The following ATP8A2 variants were observed in gnomAD, a reference collection of about 807,000 sequenced individuals.
The protein encoded by ATP8A2 is phospholipid-transporting ATPase IB.
A neutral mutation model predicts 165.6 loss-of-function variants in ATP8A2; 100 were observed. The ratio of observed to expected loss-of-function variants is 0.60; its 90% CI spans 0.51 to 0.71. The LOEUF is 0.71. Ranked by LOEUF, ATP8A2 falls within the 30% of genes least tolerant of loss-of-function variation. The pLI, the probability that ATP8A2 is intolerant of heterozygous loss-of-function variation, is 0.00. For missense variants in ATP8A2, 1,227 were observed against 1,479.5 expected, an observed-to-expected ratio of 0.83 and a Z score of 2.80; for synonymous variants, 543 against 548.8, an observed-to-expected ratio of 0.99 and a Z score of 0.15.
At chr13:25,815,097 C>A (rs1195183620) in intron 27 of ATP8A2, among the ~76,000 whole-genome samples, 1 of 151,440 alleles carries the variant, frequency 6.6e-6, no homozygotes, top group Admixed American at 6.6e-5. Flanking sequence ...AACAATAAAA[C>A]TCTTAGAAGA....
At chr13:25,548,508 G>C (rs2038721820) in intron 10 of ATP8A2, among the ~76,000 whole-genome samples, 1 of 152,218 alleles carries the variant, frequency 6.6e-6, no homozygotes, top group African/African-American at 2.4e-5. Context: ...TGTACATTTA[G>C]TGAATATTTA....
chr13:25,577,847 G>A (rs1463709332), intron 20 of ATP8A2, among the ~76,000 whole-genome samples: 1 of 152,296 alleles, frequency 6.6e-6, no homozygotes, highest in East Asian at 1.9e-4. Flanking sequence ...GTGGTTGACA[G>A]TATTACTAAT....
At chr13:25,965,226 C>T (rs1448912703) in intron 34 of ATP8A2, among the ~76,000 whole-genome samples, 2 of 152,202 alleles carry the variant, frequency 1.3e-5, no homozygotes, top group African/African-American at 2.4e-5. Flanking sequence ...TTTCTGTGAG[C>T]ACTGAAGAAA....
At chr13:25,396,565 C>G (rs1255648315) in intron 1 of ATP8A2, among the ~76,000 whole-genome samples, 7 of 152,162 alleles carry the variant, frequency 4.6e-5, no homozygotes, top group African/African-American at 1.2e-4. Context: ...TGTCCTGGCT[C>G]TTACCTCTAG....
intron 4 of ATP8A2, among the ~76,000 whole-genome samples, chr13:25,531,897 C>A (rs189745742): frequency 6.6e-6 from 1 of 152,134 alleles, no homozygotes; most frequent in Non-Finnish European, 1.5e-5. Context: ...CTTCTAGTCC[C>A]GAGCATGTCA....
At chr13:25,775,592 G>A (rs1238137250) in intron 27 of ATP8A2, among the ~76,000 whole-genome samples, 1 of 152,128 alleles carries the variant, frequency 6.6e-6, no homozygotes, top group Admixed American at 6.5e-5. Context: ...TAAAACAAAC[G>A]TGCCTGCTAG....
chr13:25,651,792 C>A (rs2041818982), intron 24 of ATP8A2, among the ~76,000 whole-genome samples: 1 of 151,836 alleles, frequency 6.6e-6, no homozygotes, highest in African/African-American at 2.4e-5. Flanking sequence ...TAAAGTATGT[C>A]TTTATATATT....
intron 33 of ATP8A2, among the ~76,000 whole-genome samples, chr13:25,931,692 T>C (rs1954772226): frequency 6.6e-6 from 1 of 152,112 alleles, no homozygotes; most frequent in Admixed American, 6.5e-5. Flanking sequence ...GGAAGAATCT[T>C]GAAGCCCGTG....
At chr13:25,569,686 C>T (rs2039411583) in intron 16 of ATP8A2, among the ~76,000 whole-genome samples, 1 of 152,174 alleles carries the variant, frequency 6.6e-6, no homozygotes, top group African/African-American at 2.4e-5. Flanking sequence ...TAATTGTCTA[C>T]TTTGAAAACC....
intron 34 of ATP8A2, among the ~76,000 whole-genome samples, chr13:25,963,410 AGAAAAGAAAAGAAAAAG>A (rs1955707885): frequency 7.1e-6 from 1 of 140,880 alleles, no homozygotes; most frequent in East Asian, 2.2e-4. Context: ...AAAAAAAAAA[AGAAAAGAAAAGAAAAAG>A]AAAAAGAAAA....
intron 1 of ATP8A2, among the ~76,000 whole-genome samples, chr13:25,454,246 C>G (rs2035303929): frequency 6.6e-6 from 1 of 152,128 alleles, no homozygotes; most frequent in African/African-American, 2.4e-5. Flanking sequence ...CATCGGCATG[C>G]CTGTCATCAA....
intron 24 of ATP8A2, among the ~76,000 whole-genome samples, chr13:25,626,428 C>T (rs1341735833): frequency 6.6e-6 from 1 of 152,216 alleles, no homozygotes; most frequent in East Asian, 1.9e-4. Context: ...TCACCAGTAC[C>T]ATTGTAGGGG....
intron 27 of ATP8A2, among the ~76,000 whole-genome samples, chr13:25,816,566 C>A (rs1951024372): frequency 6.6e-6 from 1 of 152,188 alleles, no homozygotes; most frequent in South Asian, 2.1e-4. Flanking sequence ...AAGAACTTTT[C>A]TGCACTTCAG....
At chr13:25,848,652 T>C (rs1951932003) in intron 30 of ATP8A2, among the ~76,000 whole-genome samples, 1 of 152,240 alleles carries the variant, frequency 6.6e-6, no homozygotes, top group African/African-American at 2.4e-5. Context: ...AATCCAGCAA[T>C]AGGCTTATAT....
intron 25 of ATP8A2, among the ~76,000 whole-genome samples, chr13:25,763,548 G>A (rs540785411): frequency 2.0e-5 from 3 of 152,056 alleles, no homozygotes; most frequent in East Asian, 1.9e-4. Context: ...TATTGGGCTC[G>A]CCTGAATGCA....
chr13:25,609,124 A>G (rs180968857), intron 24 of ATP8A2, among the ~76,000 whole-genome samples: 13 of 152,292 alleles, frequency 8.5e-5, no homozygotes, highest in Admixed American at 5.9e-4. Context: ...AAATGTTAAT[A>G]AAAGAGCAAG....
intron 24 of ATP8A2, among the ~76,000 whole-genome samples, chr13:25,693,316 ACCTATGTTC>A: frequency 6.6e-6 from 1 of 152,306 alleles, no homozygotes; most frequent in East Asian, 1.9e-4. Flanking sequence ...CACAGAAGGG[ACCTATGTTC>A]CACCACATGT....
intron 27 of ATP8A2, among the ~76,000 whole-genome samples, chr13:25,816,479 C>G (rs933098054): frequency 2.0e-5 from 3 of 152,156 alleles, no homozygotes; most frequent in African/African-American, 7.2e-5. Context: ...AAGACCCAGC[C>G]CAAGTGGCCA....
chr13:25,804,375 G>T (rs563092164), intron 27 of ATP8A2, among the ~76,000 whole-genome samples: 1 of 152,174 alleles, frequency 6.6e-6, no homozygotes, highest in Non-Finnish European at 1.5e-5. Context: ...CTCTGACAGG[G>T]ATGGTAAAGC....
Sources: allele counts gnomAD v4.1 joint callset (sites outside exome capture counted in the v4.1 genomes callset), GRCh38; gene constraint gnomAD v4.1.1; transcripts MANE v1.5; gene names NCBI Gene and HGNC (gene_info 2026-07-23, HGNC 2026-07-21).